Variants in PTPN4 observed in about 807,000 individuals in gnomAD.
PTPN4 encodes protein tyrosine phosphatase non-receptor type 4.
In PTPN4, 49 loss-of-function variants were observed where a neutral mutation model predicts 135.5. That is an observed-to-expected ratio of 0.36 (90% CI 0.29 to 0.46). PTPN4 has a LOEUF of 0.46. Ranked by LOEUF, PTPN4 falls within the 20% of genes least tolerant of loss-of-function variation. PTPN4 has a pLI of 1.00. For missense variants in PTPN4, 860 were observed against 1,101.0 expected (o/e 0.78, Z 3.10); for synonymous variants, 333 against 369.9 (o/e 0.90, Z 1.14).
chr2:119,880,254 G>C (rs1165966554), intron 5 of PTPN4: 3 of 152,010 alleles, frequency 2.0e-5, no homozygotes, highest in Non-Finnish European at 2.9e-5. Context: ...CTTGAATTCT[G>C]GTTTCTACTT....
chr2:119,867,752 A>G (rs1483102680), intron 3 of PTPN4, among the ~76,000 whole-genome samples: 1 of 152,194 alleles, frequency 6.6e-6, no homozygotes, highest in Non-Finnish European at 1.5e-5. Flanking sequence ...TAACTAACTG[A>G]TTGTATATTA....
intron 1 of PTPN4, among the ~76,000 whole-genome samples, chr2:119,780,443 C>A (rs1690915626): frequency 6.6e-6 from 1 of 152,198 alleles, no homozygotes; most frequent in Non-Finnish European, 1.5e-5. Context: ...CCCGCCAAAT[C>A]CATGATTGGA....
intron 22 of PTPN4, 62 bp downstream of exon 22, chr2:119,957,139 G>C (rs1363724363): frequency 3.7e-5 from 53 of 1,437,720 alleles, no homozygotes; most frequent in Non-Finnish European, 5.0e-5. Flanking sequence ...TGAACTTTGA[G>C]GTTCTTTTTG....
chr2:119,773,198 G>T (rs886777851), intron 1 of PTPN4, among the ~76,000 whole-genome samples: 1 of 151,492 alleles, frequency 6.6e-6, no homozygotes, highest in Non-Finnish European at 1.5e-5. Context: ...TTATAATATC[G>T]TAGATACTAA....
chr2:119,941,587 T>C (rs1219853729), intron 15 of PTPN4, among the ~76,000 whole-genome samples: 2 of 152,180 alleles, frequency 1.3e-5, no homozygotes. Context: ...GTCAGGCATA[T>C]GGAGAGCCTG....
intron 7 of PTPN4, 71 bp downstream of exon 7, chr2:119,882,220 A>T: frequency 1.4e-6 from 2 of 1,393,018 alleles, no homozygotes; most frequent in South Asian, 2.4e-5. Flanking sequence ...ATTGGCTTCA[A>T]TGTGGGAGTT....
At chr2:119,899,328 T>A (rs1316770305) in intron 9 of PTPN4, among the ~76,000 whole-genome samples, 1 of 152,144 alleles carries the variant, frequency 6.6e-6, no homozygotes, top group Non-Finnish European at 1.5e-5. Context: ...TTTGCAGGCC[T>A]CTCTTAATTA....
In PTPN4 at chr2:119,980,048, G is replaced by T. The variant is rs1679668851; in HGVS notation, c.*2978G>T. On this transcript the variant is annotated 3_prime_UTR_variant, in exon 27 of 27. Transcript: ENST00000263708. ...TAAACCAATGCATCCATTCAAAATAGAGGCAGAGTAAACAGCCTAAGAAAT... is the reference window on the plus strand; with the variant it reads ...TAAACCAATGCATCCATTCAAAATATAGGCAGAGTAAACAGCCTAAGAAAT... The T allele has an allele frequency of 2.0e-5, 3 of 152,098 alleles. No individual in the cohort carries two copies. In the South Asian group the frequency reaches 6.2e-4, roughly 31 times the overall value. 9.4% of individuals were successfully genotyped at this position (152,098 alleles called of 1,614,324 possible). A position where few individuals can be genotyped will look rare whatever the true frequency, so the allele number is the denominator to read the frequency against.
rs1332438767 is a variant in PTPN4 at position 119,934,837 on chromosome 2, C to T, written c.1234C>T (p.Arg412Ter). 2.5e-6 allele frequency: 4 copies of T among 1,613,896 alleles called. No individual in the cohort carries two copies. The highest frequency in any genetic ancestry group is 2.5e-6 in the Non-Finnish European group (3 of 1,179,832). Residue 412 changes from arginine to a stop codon, truncating the protein, a stop_gained, in exon 15 of 27, where the codon CGA becomes TGA. Transcript: ENST00000263708. LOFTEE classifies it high-confidence loss of function. ...ATTCACGCAGGAAGGAACCCGGTTACGACCATCTTCAGTTGGTCATTTGGT... is the reference window on the plus strand; with the variant it reads ...ATTCACGCAGGAAGGAACCCGGTTATGACCATCTTCAGTTGGTCATTTGGT... ...STFTQEGTRL[R>*]PSSVGHLVDH... is the part of the protein sequence containing the mutation.
rs1679703191 is a variant in PTPN4, at chr2:119,981,970, T to C, written c.*4900T>C. ...GCTAAATGGGCAACCAGAAGTAATA[T>C]CTGCTAGGGTGCAATCCATCAGCAT... is the stretch of plus-strand genomic sequence containing the variant. On this transcript the variant is annotated 3_prime_UTR_variant, in exon 27 of 27. Transcript: ENST00000263708. 6.6e-6 allele frequency: 1 copy of C among 152,194 alleles called. No individual in the cohort carries two copies. The highest frequency in any genetic ancestry group is 6.5e-5 in the Admixed American group (1 of 15,274). The allele number at this position is 152,194 out of a possible 1,614,324, so 9.4% of individuals were successfully genotyped here.
Position 119,967,897 on chromosome 2 carries a change from A to G in PTPN4, c.2619A>G (p.Glu873=). 1.2e-6 allele frequency: 2 copies of G among 1,611,958 alleles called. No homozygotes were observed. Among genetic ancestry groups the G allele is most frequent in the South Asian group, 1.1e-5 (1 of 90,796 alleles). Reference sequence around the variant, plus strand: ...TGGAAACAGCCATGTGTCTCATTGAATGCAATCAGCCAGTTTATCCACTAG... The same window carrying G: ...TGGAAACAGCCATGTGTCTCATTGAGTGCAATCAGCCAGTTTATCCACTAG... ...ITMETAMCLI[E]CNQPVYPLDI... is the part of the protein sequence containing the mutation. Residue 873 remains glutamate (E), a synonymous_variant, in exon 26 of 27, where the codon GAA becomes GAG. Transcript: ENST00000263708.
At position 119,847,275 on chromosome 2, in the gene PTPN4, T is replaced by TACACACAC. The variant is rs775485671; in HGVS notation, c.139-15227_139-15220dup. On this transcript the variant is annotated intron_variant, in intron 2 of 26. Transcript: ENST00000263708. ...TAAGAAAAAAAGGAGATACTCTATA[T>TACACACAC]ACACACACACACACACACACACACA... 6.3e-3 allele frequency among the ~76,000 whole-genome samples: 678 copies of TACACACAC among 107,502 alleles called. 5 individuals are homozygous for TACACACAC. Among genetic ancestry groups the TACACACAC allele is most frequent in the Middle Eastern group, 0.015 (3 of 204 alleles). 70.5% of individuals were successfully genotyped at this position (107,502 alleles called of 152,430 possible). A position where few individuals can be genotyped will look rare whatever the true frequency, so the allele number is the denominator to read the frequency against.
chr2:119,789,206 T>C (rs1296640396), intron 1 of PTPN4, among the ~76,000 whole-genome samples: 1 of 152,192 alleles, frequency 6.6e-6, no homozygotes, highest in African/African-American at 2.4e-5. Context: ...TTCATGTGTA[T>C]ATTGGCCACT....
intron 1 of PTPN4, among the ~76,000 whole-genome samples, chr2:119,762,809 A>G (rs964144653): frequency 4.6e-5 from 7 of 152,064 alleles, no homozygotes; most frequent in Non-Finnish European, 8.8e-5. Context: ...GTAGAAGTTT[A>G]CTAACTGAGT....
chr2:119,901,696 C>T (rs1574395742), intron 10 of PTPN4, among the ~76,000 whole-genome samples: 1 of 152,168 alleles, frequency 6.6e-6, no homozygotes, highest in East Asian at 1.9e-4. Context: ...TTTAAAATAA[C>T]TGTAATTAAT....
rs925501895 is a variant in PTPN4, at chr2:119,953,936, G to C, written c.1814-1221G>C. Among the ~76,000 whole-genome samples the C allele has an allele frequency of 1.1e-4, 16 of 151,940 alleles. No homozygotes were observed. The South Asian group carries it at 1.2e-3, about 12-fold the overall frequency. ...TTATAGTATGAGAGGAACCCACCAG[G>C]GTCTACTTCTTGCAAAATATCTTTC... On this transcript the variant is annotated intron_variant, in intron 19 of 26. Coordinates refer to ENST00000263708, the MANE Select transcript of PTPN4 (RefSeq NM_002830.4).
intron 5 of PTPN4, among the ~76,000 whole-genome samples, chr2:119,878,257 C>T (rs1265333394): frequency 6.6e-6 from 1 of 152,074 alleles, no homozygotes; most frequent in Non-Finnish European, 1.5e-5. Flanking sequence ...TGGAGAAATA[C>T]CAACAGTGTA....
At position 119,932,522 on chromosome 2, in the gene PTPN4, CA is replaced by C; in HGVS notation, c.1170del (p.Arg391AspfsTer30). On this transcript the variant is annotated frameshift_variant, in exon 14 of 27. Coordinates refer to ENST00000263708, the MANE Select transcript of PTPN4 (RefSeq NM_002830.4). LOFTEE classifies it high-confidence loss of function. The stretch of plus-strand genomic sequence containing the variant: ...AGGTTAGAAACACAAAGTCTTCCAT[CA>C]CGATCTCCACCGGGAACTCCTAATC... Reference protein sequence around the residue: ...DDRLETQSLPSRSPPGTPNHR... With the variant: ...DDRLETQSLPXRSPPGTPNHR... 6.2e-7 allele frequency: 1 copy of C among 1,611,596 alleles called. No homozygotes were observed. The highest frequency in any genetic ancestry group is 8.5e-7 in the Non-Finnish European group (1 of 1,178,484).
intron 1 of PTPN4, among the ~76,000 whole-genome samples, chr2:119,763,112 T>G (rs1225465996): frequency 6.6e-6 from 1 of 152,168 alleles, no homozygotes; most frequent in Non-Finnish European, 1.5e-5. Flanking sequence ...ACAGCATAAT[T>G]TCTTATCTTT....
Sources: allele counts gnomAD v4.1 joint callset (sites outside exome capture counted in the v4.1 genomes callset), GRCh38; gene constraint gnomAD v4.1.1; transcripts MANE v1.5; gene names NCBI Gene and HGNC (gene_info 2026-07-23, HGNC 2026-07-21).